NRXN3: variants seen among roughly 807,000 people sequenced by gnomAD.
NRXN3 encodes the protein neurexin 3.
Under a neutral mutation model 137.6 loss-of-function variants are expected in NRXN3, and 32 were observed. The observed-to-expected ratio is 0.23, with a 90% confidence interval of 0.18 to 0.31. The LOEUF (loss-of-function observed/expected upper bound fraction) is 0.31. Ranked by LOEUF, NRXN3 falls within the 10% of genes least tolerant of loss-of-function variation. NRXN3 has a pLI of 1.00. For synonymous variants in NRXN3, 798 were observed against 784.5 expected (o/e 1.02, Z -0.29); for missense variants, 1,574 against 2,062.5 (o/e 0.76, Z 4.59).
intron 20 of NRXN3, among the ~76,000 whole-genome samples, chr14:79,841,272 T>C (rs1163651994): frequency 1.3e-5 from 2 of 152,132 alleles, no homozygotes; most frequent in African/African-American, 4.8e-5. Flanking sequence ...TGAAGACAGA[T>C]TTTAGGGTAA....
intron 15 of NRXN3, among the ~76,000 whole-genome samples, chr14:79,142,259 C>G (rs997774301): frequency 1.9e-4 from 29 of 152,198 alleles, no homozygotes; most frequent in African/African-American, 5.8e-4. Flanking sequence ...AACCTCATCT[C>G]TACTAAAAAT....
intron 10 of NRXN3, among the ~76,000 whole-genome samples, chr14:78,921,367 G>A (rs750745492): frequency 6.6e-5 from 10 of 152,206 alleles, no homozygotes; most frequent in Non-Finnish European, 1.3e-4. Context: ...GATCAGTCTA[G>A]AGAAGTTAGT....
intron 1 of NRXN3, among the ~76,000 whole-genome samples, chr14:78,182,851 A>G (rs778494205): frequency 3.9e-5 from 6 of 152,128 alleles, no homozygotes; most frequent in Non-Finnish European, 7.4e-5. Context: ...GTGAGAAAAA[A>G]AAAGTTTTTG....
chr14:78,224,318 A>G (rs1044214089), intron 1 of NRXN3, among the ~76,000 whole-genome samples: 2 of 151,848 alleles, frequency 1.3e-5, no homozygotes, highest in Non-Finnish European at 2.9e-5. Flanking sequence ...GTATATGTGC[A>G]CAATGTGCAG....
intron 1 of NRXN3, among the ~76,000 whole-genome samples, chr14:78,237,512 G>T (rs2066473450): frequency 6.6e-6 from 1 of 152,184 alleles, no homozygotes; most frequent in South Asian, 2.1e-4. Context: ...GATGGTGTCT[G>T]TCAAGTTTGA....
At chr14:78,250,399 A>G (rs58338486) in intron 2 of NRXN3, among the ~76,000 whole-genome samples, 10,617 of 152,268 alleles carry the variant, frequency 0.07, 942 homozygotes, top group African/African-American at 0.21. Flanking sequence ...TTGGTTTCAC[A>G]GGAGATTTGA....
intron 20 of NRXN3, among the ~76,000 whole-genome samples, chr14:79,816,635 A>G (rs955021633): frequency 2.6e-4 from 40 of 152,218 alleles, no homozygotes; most frequent in Admixed American, 1.3e-4. Flanking sequence ...ACTATCCCAG[A>G]TACATTTTCT....
At chr14:79,080,283 A>G (rs1446573938) in intron 15 of NRXN3, among the ~76,000 whole-genome samples, 1 of 152,190 alleles carries the variant, frequency 6.6e-6, no homozygotes, top group African/African-American at 2.4e-5. Flanking sequence ...AGCAAATTCA[A>G]TTTGATCTCT....
intron 20 of NRXN3, among the ~76,000 whole-genome samples, chr14:79,855,178 C>T (rs1414335959): frequency 6.6e-6 from 1 of 152,146 alleles, no homozygotes; most frequent in East Asian, 1.9e-4. Flanking sequence ...GTACCATCAT[C>T]GTGTAACTAC....
intron 15 of NRXN3, among the ~76,000 whole-genome samples, chr14:79,081,573 G>A (rs190602760): frequency 1.9e-4 from 28 of 146,398 alleles, no homozygotes; most frequent in African/African-American, 6.9e-4. Flanking sequence ...AGCCAAGATC[G>A]CCACTGCACT....
At chr14:78,448,762 G>A (rs1241712976) in intron 4 of NRXN3, among the ~76,000 whole-genome samples, 1 of 152,148 alleles carries the variant, frequency 6.6e-6, no homozygotes, top group African/African-American at 2.4e-5. Context: ...CATTTTGTGT[G>A]GTTCAGAGCT....
Position 78,289,028 on chromosome 14 carries a change from G to T in NRXN3, c.728-8803G>T, listed in dbSNP as rs370444639. The stretch of plus-strand genomic sequence containing the variant: ...TGAGGACTGAACATGGTAGTATCAT[G>T]GAAGGGCAAAACCCAGAGGCTGGAA... On this transcript the variant is annotated intron_variant, in intron 3 of 20. Coordinates refer to ENST00000335750, the MANE Select transcript of NRXN3 (RefSeq NM_001330195.2). 3.9e-5 allele frequency among the ~76,000 whole-genome samples: 6 copies of T among 152,200 alleles called. No individual in the cohort carries two copies. In the East Asian group the frequency reaches 5.8e-4, roughly 15 times the overall value.
chr14:79,315,984 G>A (rs187182177), intron 15 of NRXN3, among the ~76,000 whole-genome samples: 23 of 152,250 alleles, frequency 1.5e-4, no homozygotes, highest in Non-Finnish European at 2.5e-4. Flanking sequence ...ATAGCACTCC[G>A]AAATCACTAG....
At chr14:78,222,789 T>C (rs1245809882) in intron 1 of NRXN3, among the ~76,000 whole-genome samples, 2 of 152,156 alleles carry the variant, frequency 1.3e-5, no homozygotes, top group African/African-American at 4.8e-5. Context: ...CTCACTACTT[T>C]TTGAAGTTCT....
intron 15 of NRXN3, among the ~76,000 whole-genome samples, chr14:79,126,208 G>A (rs1025067418): frequency 6.6e-6 from 1 of 151,728 alleles, no homozygotes; most frequent in Non-Finnish European, 1.5e-5. Context: ...AAGTTTTAGG[G>A]TACATGTGCA....
At chr14:78,288,151 C>T (rs1052616165) in intron 3 of NRXN3, among the ~76,000 whole-genome samples, 2 of 151,988 alleles carry the variant, frequency 1.3e-5, no homozygotes, top group Non-Finnish European at 2.9e-5. Flanking sequence ...GGCTAACTTT[C>T]GTATTTTTAG....
At chr14:79,853,701 G>T (rs1453466640) in intron 20 of NRXN3, 39 of 1,240,502 alleles carry the variant, frequency 3.1e-5, no homozygotes, top group Non-Finnish European at 4.1e-5. Flanking sequence ...CCTTTCTTTA[G>T]CATTGTTAAA....
At chr14:78,890,653 T>G (rs767532717) in intron 10 of NRXN3, among the ~76,000 whole-genome samples, 6 of 151,870 alleles carry the variant, frequency 4.0e-5, no homozygotes, top group Non-Finnish European at 8.8e-5. Context: ...ATTTTCCAGT[T>G]ACAAACATAA....
chr14:79,397,944 C>T (rs2095073407), intron 15 of NRXN3, among the ~76,000 whole-genome samples: 1 of 152,156 alleles, frequency 6.6e-6, no homozygotes, highest in Admixed American at 6.6e-5. Context: ...GGTTCTGTGC[C>T]TGGCTAGCAG....
Sources: gnomAD v4.1 joint callset for allele counts (sites outside exome capture counted in the v4.1 genomes callset) on GRCh38, gnomAD v4.1.1 for gene constraint, MANE v1.5 for transcripts, NCBI Gene and HGNC (gene_info 2026-07-23, HGNC 2026-07-21) for gene names.